Variants in KIRREL3 observed in about 807,000 individuals in gnomAD.
KIRREL3 encodes the protein kirre like nephrin family adhesion molecule 3, also known as kin of IRRE-like protein 3.
In KIRREL3, 36 loss-of-function variants were observed where a neutral mutation model predicts 89.7. The observed-to-expected ratio is 0.40, with a 90% CI of 0.31 to 0.53. The LOEUF is 0.53. Ranked by LOEUF, KIRREL3 falls within the 20% of genes least tolerant of loss-of-function variation. The pLI, the probability that KIRREL3 is intolerant of heterozygous loss-of-function variation, is 0.49. For synonymous variants in KIRREL3, 445 were observed against 441.4 expected (o/e 1.01, Z -0.10); for missense variants, 864 against 1,056.6 (o/e 0.82, Z 2.53).
Position 126,610,193 on chromosome 11 carries a change from C to A in KIRREL3, c.56-47281G>T, listed in dbSNP as rs371473880. Among the ~76,000 whole-genome samples, 26 of 152,060 alleles carry A rather than the reference C, an allele frequency of 1.7e-4. No homozygotes were observed. In the East Asian group the frequency reaches 4.4e-3, roughly 26 times the overall value. ...GCAACCTTCGCCTCCCAGGTTCAAG[C>A]GATTCTCCTGCCTCAGCCTGCCGAG... On this transcript the variant is annotated intron_variant, in intron 1 of 16. Coordinates refer to ENST00000525144, the MANE Select transcript of KIRREL3 (RefSeq NM_032531.4). This position sits in a 1 kb window ranked among gnomAD's most constrained non-coding sequence, Gnocchi z 4.6.
chr11:126,745,578 G>T (rs908821036), intron 1 of KIRREL3, among the ~76,000 whole-genome samples: 2 of 152,098 alleles, frequency 1.3e-5, no homozygotes, highest in Non-Finnish European at 2.9e-5. Context: ...ACTTCCAGTG[G>T]CTCTTTATTT....
rs1949915039 is a variant in KIRREL3 at position 126,987,912 on chromosome 11, C to T, written c.55+12543G>A. Among the ~76,000 whole-genome samples, 1 of 152,124 alleles carries T rather than the reference C, an allele frequency of 6.6e-6. No homozygotes were observed. Among genetic ancestry groups the T allele is most frequent in the Non-Finnish European group, 1.5e-5 (1 of 68,034 alleles). On this transcript the variant is annotated intron_variant, in intron 1 of 16. Coordinates refer to ENST00000525144, the MANE Select transcript of KIRREL3 (RefSeq NM_032531.4). This position sits in a 1 kb window ranked among gnomAD's most constrained non-coding sequence, Gnocchi z 4.6. The stretch of plus-strand genomic sequence containing the variant: ...GATTTCTGACACAAGGTAAGTTGTA[C>T]CAGCCGAGACCAAAGTGAAAAGAAT...
rs544732548 is a variant in KIRREL3 at position 126,620,750 on chromosome 11, T to A, written c.56-57838A>T. On this transcript the variant is annotated intron_variant, in intron 1 of 16. Transcript: ENST00000525144. This position sits in a 1 kb window ranked among gnomAD's most constrained non-coding sequence, Gnocchi z 4.8. Reference sequence around the variant, plus strand: ...CTCTTGATCTCTTCTTCCTGCCTCATACCCCACTTTAAATTCCTTCTTTAG... The same window carrying A: ...CTCTTGATCTCTTCTTCCTGCCTCAAACCCCACTTTAAATTCCTTCTTTAG... Among the ~76,000 whole-genome samples the A allele has an allele frequency of 3.9e-5, 6 of 152,336 alleles. No homozygotes were observed. The highest frequency in any genetic ancestry group is 1.4e-4 in the African/African-American group (6 of 41,594).
chr11:126,731,604 G>A lies in KIRREL3; in HGVS notation c.56-168692C>T, dbSNP rs758097692. ...TGAATGCACACAGGAAGAAAGCTTTGCCAAAATTTGCACACCTCGTTGCTG... is the reference window on the plus strand; with the variant it reads ...TGAATGCACACAGGAAGAAAGCTTTACCAAAATTTGCACACCTCGTTGCTG... On this transcript the variant is annotated intron_variant, in intron 1 of 16. Coordinates refer to ENST00000525144, the MANE Select transcript of KIRREL3 (RefSeq NM_032531.4). 3.9e-5 allele frequency among the ~76,000 whole-genome samples: 6 copies of A among 152,326 alleles called. No individual in the cohort carries two copies. In the South Asian group the frequency reaches 1.2e-3, roughly 32 times the overall value.
intron 1 of KIRREL3, among the ~76,000 whole-genome samples, chr11:126,688,407 G>A (rs10750336): frequency 1 from 152,197 of 152,390 alleles, 76,002 homozygotes; most frequent in East Asian, 1. Context: ...GAAAACACCT[G>A]TGGCCCCCAG....
intron 4 of KIRREL3, among the ~76,000 whole-genome samples, chr11:126,481,430 CCTCT>C (rs1279641829): frequency 2.6e-5 from 4 of 152,198 alleles, no homozygotes; most frequent in African/African-American, 9.7e-5. Flanking sequence ...TCAGGCCAGA[CCTCT>C]CTCTTGAGCT....
At chr11:126,626,351 A>G (rs1041328530) in intron 1 of KIRREL3, among the ~76,000 whole-genome samples, 1 of 152,242 alleles carries the variant, frequency 6.6e-6, no homozygotes. Flanking sequence ...TCTAATGAAG[A>G]ACCAGCACAC....
intron 8 of KIRREL3, among the ~76,000 whole-genome samples, chr11:126,447,704 G>A (rs529899495): frequency 2.6e-5 from 4 of 152,294 alleles, no homozygotes; most frequent in East Asian, 1.9e-4. Flanking sequence ...CTCAGGGTCC[G>A]ACCGTGGCCA....
At chr11:126,711,363 C>G (rs1460946913) in intron 1 of KIRREL3, among the ~76,000 whole-genome samples, 1 of 152,142 alleles carries the variant, frequency 6.6e-6, no homozygotes, top group Non-Finnish European at 1.5e-5. Flanking sequence ...AGTTTGAGAC[C>G]AGCCTGGCCA....
rs1010395536 is a variant in KIRREL3, at chr11:126,624,875, C to T, written c.56-61963G>A. Among the ~76,000 whole-genome samples, 3 of 152,162 alleles carry T rather than the reference C, an allele frequency of 2.0e-5. No homozygotes were observed. Among genetic ancestry groups the T allele is most frequent in the Non-Finnish European group, 1.5e-5 (1 of 68,026 alleles). On this transcript the variant is annotated intron_variant, in intron 1 of 16. Transcript: ENST00000525144. This position sits in a 1 kb window ranked among gnomAD's most constrained non-coding sequence, Gnocchi z 6.0. ...TTGGGGAGATAGCCTGCACTTTCTC[C>T]AGACCTACCATCAGTAAGGATGGTG...
At chr11:126,846,771 TCTTA>T (rs1484047698) in intron 1 of KIRREL3, among the ~76,000 whole-genome samples, 8 of 152,320 alleles carry the variant, frequency 5.3e-5, no homozygotes, top group Admixed American at 2.6e-4. Flanking sequence ...AATATGGATT[TCTTA>T]CTTAAGTTTG....
At chr11:126,914,835 G>A (rs1443697172) in intron 1 of KIRREL3, among the ~76,000 whole-genome samples, 5 of 152,160 alleles carry the variant, frequency 3.3e-5, no homozygotes, top group African/African-American at 4.8e-5. Context: ...TACTGTTTTC[G>A]AACTTAACAT....
chr11:126,923,005 G>A (rs1046094140), intron 1 of KIRREL3, among the ~76,000 whole-genome samples: 34 of 152,276 alleles, frequency 2.2e-4, no homozygotes, highest in African/African-American at 5.1e-4. Flanking sequence ...CCAAGCATTC[G>A]TGCCCTGGCT....
At chr11:126,638,340 T>C (rs1220558369) in intron 1 of KIRREL3, among the ~76,000 whole-genome samples, 1 of 152,232 alleles carries the variant, frequency 6.6e-6, no homozygotes, top group Non-Finnish European at 1.5e-5. Context: ...TCTCCTGTTG[T>C]TGGAAAAACG....
At chr11:126,457,410 CGT>C (rs1270693989) in intron 6 of KIRREL3, among the ~76,000 whole-genome samples, 2 of 138,780 alleles carry the variant, frequency 1.4e-5, no homozygotes, top group South Asian at 2.4e-4. Flanking sequence ...TGTGTATGCA[CGT>C]GTGTATGTGT....
At chr11:126,760,261 C>A (rs921762192) in intron 1 of KIRREL3, among the ~76,000 whole-genome samples, 1 of 152,190 alleles carries the variant, frequency 6.6e-6, no homozygotes, top group African/African-American at 2.4e-5. Context: ...TTGTTCATTG[C>A]TGCCCTACTG....
At chr11:126,649,353 T>C (rs1466121930) in intron 1 of KIRREL3, among the ~76,000 whole-genome samples, 1 of 152,146 alleles carries the variant, frequency 6.6e-6, no homozygotes, top group Non-Finnish European at 1.5e-5. Context: ...CATTTCACCA[T>C]TAACCCAAAA....
intron 1 of KIRREL3, among the ~76,000 whole-genome samples, chr11:126,806,553 C>T (rs905586463): frequency 6.6e-6 from 1 of 152,142 alleles, no homozygotes; most frequent in African/African-American, 2.4e-5. Context: ...AGTGATACTC[C>T]CTGAGTTGAA....
rs1356583307 is a variant in KIRREL3 at position 126,904,789 on chromosome 11, A to G, written c.55+95666T>C. Among the ~76,000 whole-genome samples, 1 of 152,218 alleles carries G rather than the reference A, an allele frequency of 6.6e-6. No individual in the cohort carries two copies. Among genetic ancestry groups the G allele is most frequent in the Non-Finnish European group, 1.5e-5 (1 of 68,048 alleles). On this transcript the variant is annotated intron_variant, in intron 1 of 16. Coordinates refer to ENST00000525144, the MANE Select transcript of KIRREL3 (RefSeq NM_032531.4). This position sits in a 1 kb window ranked among gnomAD's most constrained non-coding sequence, Gnocchi z 4.4. ...CCTATGTTCACTCAATATTTGTAGC[A>G]TTCTCTTTGCGTCTGTAAGCATCAA...
Sources: allele counts gnomAD v4.1 joint callset (sites outside exome capture counted in the v4.1 genomes callset), GRCh38; gene constraint gnomAD v4.1.1; non-coding constraint Gnocchi (gnomAD v3.1); transcripts MANE v1.5; gene names NCBI Gene and HGNC (gene_info 2026-07-23, HGNC 2026-07-21).